The following DPY19L2 variants were observed in gnomAD, a reference collection of about 807,000 sequenced individuals.
DPY19L2 encodes probable C-mannosyltransferase DPY19L2.
In DPY19L2, 34 loss-of-function variants were observed where a neutral mutation model predicts 97.9. That is an observed-to-expected ratio of 0.35 (90% CI 0.26 to 0.46). The LOEUF is 0.46. Among genes scored for constraint, DPY19L2 ranks in the 20% least tolerant of loss-of-function variants. The pLI is 1.00. For missense variants in DPY19L2, 623 were observed against 911.4 expected (o/e 0.68, Z 4.07); for synonymous variants, 230 against 307.9 (o/e 0.75, Z 2.65).
intron 11 of DPY19L2, among the ~76,000 whole-genome samples, chr12:63,617,026 G>T (rs1025804956): frequency 6.6e-6 from 1 of 152,126 alleles, no homozygotes; most frequent in African/African-American, 2.4e-5. Flanking sequence ...TAGGAGAAAA[G>T]AAGTCATTTT....
intron 12 of DPY19L2, among the ~76,000 whole-genome samples, chr12:63,608,194 A>G (rs1055421172): frequency 1.3e-5 from 2 of 152,268 alleles, no homozygotes; most frequent in Admixed American, 1.3e-4. Context: ...CTAAAGTTGG[A>G]AGCAGAAGGA....
chr12:63,606,031 A>G (rs1052176541), intron 12 of DPY19L2, among the ~76,000 whole-genome samples: 6 of 152,144 alleles, frequency 3.9e-5, no homozygotes, highest in African/African-American at 1.4e-4. Flanking sequence ...TTCAGATCCT[A>G]TGCATTTTTC....
chr12:63,594,214 C>T (rs1883695727), intron 15 of DPY19L2, 81 bp from the exon 16 acceptor site: 3 of 1,069,988 alleles, frequency 2.8e-6, no homozygotes, highest in African/African-American at 1.6e-5. Flanking sequence ...AATATAAACA[C>T]TCTGCCAAGG....
At chr12:63,667,937 G>C in intron 1 of DPY19L2, 120 bp downstream of exon 1, 1 of 1,205,576 alleles carries the variant, frequency 8.3e-7, no homozygotes, top group Non-Finnish European at 1.2e-6. Flanking sequence ...TTTCTACTCG[G>C]ACCTTGCTAT....
intron 11 of DPY19L2, among the ~76,000 whole-genome samples, chr12:63,609,249 G>A (rs1886564301): frequency 6.6e-6 from 1 of 152,072 alleles, no homozygotes; most frequent in Non-Finnish European, 1.5e-5. Context: ...GGGGAGGGCA[G>A]CAGAAGAGGC....
chr12:63,573,762 GC>G (rs1379890974), intron 19 of DPY19L2, among the ~76,000 whole-genome samples: 1 of 152,090 alleles, frequency 6.6e-6, no homozygotes, highest in African/African-American at 2.4e-5. Context: ...AACCTTACAG[GC>G]CAGGAGAGCA....
intron 21 of DPY19L2, among the ~76,000 whole-genome samples, chr12:63,566,837 T>C (rs1592370596): frequency 6.6e-6 from 1 of 151,224 alleles, no homozygotes; most frequent in East Asian, 2.1e-4. Context: ...AGGTTAGTTA[T>C]ATGTTTAGGG....
chr12:63,605,836 C>G (rs549942945), intron 12 of DPY19L2, among the ~76,000 whole-genome samples: 5 of 152,218 alleles, frequency 3.3e-5, no homozygotes, highest in Non-Finnish European at 7.3e-5. Context: ...ATCCCAGCAT[C>G]ATTTAGTGAC....
In DPY19L2 at chr12:63,644,465, A is replaced by G. The variant is rs58020403; in HGVS notation, c.741T>C (p.Gly247=). 1 of 1,611,700 alleles carries G rather than the reference A, an allele frequency of 6.2e-7. No homozygotes were observed. The highest frequency in any genetic ancestry group is 2.2e-5 in the East Asian group (1 of 44,794). ...GLGDPACFYV[G]VIFILNGLMM... ...TTAGTCCATTTAAAATAAAGATTACACCAACATAAAAGCAAGCAGGATCTC... is the reference window on the plus strand; with the variant it reads ...TTAGTCCATTTAAAATAAAGATTACGCCAACATAAAAGCAAGCAGGATCTC... The change falls in exon 6 of 22, where the codon GGT becomes GGC. Residue 247 remains glycine, a synonymous_variant. Transcript: ENST00000324472.
chr12:63,631,369 T>C (rs1296741926), intron 6 of DPY19L2, among the ~76,000 whole-genome samples: 1 of 152,000 alleles, frequency 6.6e-6, no homozygotes, highest in Non-Finnish European at 1.5e-5. Context: ...CAATAAAAAA[T>C]GATAAAGGGG....
intron 4 of DPY19L2, among the ~76,000 whole-genome samples, chr12:63,654,937 CTAAT>C (rs1894767904): frequency 6.6e-6 from 1 of 152,078 alleles, no homozygotes; most frequent in African/African-American, 2.4e-5. Context: ...GTATTTTCAA[CTAAT>C]TCTTTTAGTT....
chr12:63,597,306 T>C (rs907294426), intron 14 of DPY19L2, among the ~76,000 whole-genome samples: 9 of 152,122 alleles, frequency 5.9e-5, no homozygotes, highest in African/African-American at 2.2e-4. Context: ...ATGAAGTTTT[T>C]AAAAAGAATA....
In DPY19L2 at chr12:63,580,817, C is replaced by A. The variant is rs537965508; in HGVS notation, c.1745G>T (p.Arg582Leu). The A allele has an allele frequency of 1.2e-6, 2 of 1,611,444 alleles. No homozygotes were observed. The highest frequency in any genetic ancestry group is 1.7e-6 in the Non-Finnish European group (2 of 1,179,072). Residue 582 changes from arginine (R) to leucine (L), a missense_variant, in exon 19 of 22, where the codon CGC becomes CTC. By Grantham distance (102) the Arg-to-Leu change is moderately radical. Transcript: ENST00000324472. ...GATAACCTTCTCAAAACGAACTCTG[C>A]GAAAAAGCCAGCCAAAGAGCTGAAA... ...CSRQLFGWLF[R>L]RVRFEKVIFG...
chr12:63,623,137 T>C lies in DPY19L2; in HGVS notation c.953+903A>G, dbSNP rs575517587. Among the ~76,000 whole-genome samples, 636 of 151,882 alleles carry C rather than the reference T, an allele frequency of 4.2e-3. 11 individuals carry two copies. The highest frequency in any genetic ancestry group is 0.015 in the African/African-American group (602 of 41,396). On this transcript the variant is annotated intron_variant, in intron 8 of 21. Transcript: ENST00000324472. ...TAGTATTCTATCAAACTTATTTCTC[T>C]GATAAGGTTATTTATACTATTCTAC...
At chr12:63,641,574 T>C (rs1299706148) in intron 6 of DPY19L2, among the ~76,000 whole-genome samples, 1 of 152,162 alleles carries the variant, frequency 6.6e-6, no homozygotes, top group Non-Finnish European at 1.5e-5. Context: ...TTTTTAATTT[T>C]GTACCTGGAT....
In DPY19L2 at chr12:63,668,366, G is replaced by A. The variant is rs79896845; in HGVS notation, c.28C>T (p.Arg10Trp). The A allele has an allele frequency of 3.9e-4, 635 of 1,613,182 alleles. 3 individuals carry two copies. In the African/African-American group the frequency reaches 7.4e-3, roughly 19 times the overall value. ...TGGCTGCGGCCGGAAGATTGCAGCCGCTTTGAGCTTACTCCTTGTTTTCTC... is the reference window on the plus strand; with the variant it reads ...TGGCTGCGGCCGGAAGATTGCAGCCACTTTGAGCTTACTCCTTGTTTTCTC... MRKQGVSSK[R>W]LQSSGRSQSK... The change falls in exon 1 of 22, where the codon CGG becomes TGG. Residue 10 changes from arginine to tryptophan, a missense_variant. Physicochemically the swap from Arg to Trp is moderately radical, Grantham distance 101. Around this residue, in one of 6 missense-constraint regions of DPY19L2, gnomAD observed 144 missense variants for 119.4 expected, o/e 1.21. Coordinates refer to ENST00000324472, the MANE Select transcript of DPY19L2 (RefSeq NM_173812.5).
chr12:63,651,916 C>A, intron 4 of DPY19L2: 2 of 396,570 alleles, frequency 5.0e-6, no homozygotes, highest in Non-Finnish European at 4.3e-6. Flanking sequence ...TTCCTCAAGG[C>A]TGTCCCTTCC....
Position 63,654,395 on chromosome 12 carries a change from CAAG to C in DPY19L2, c.588+6946_588+6948del, listed in dbSNP as rs972900119. On this transcript the variant is annotated intron_variant, in intron 4 of 21. Transcript: ENST00000324472. Reference sequence around the variant, plus strand: ...AATGTTCAAATAAAATGTTCTGCCACAAGAAGGTTAAAATAAAAGCAAACAGAA... The same window carrying C: ...AATGTTCAAATAAAATGTTCTGCCACAAGGTTAAAATAAAAGCAAACAGAA... 7.2e-5 allele frequency among the ~76,000 whole-genome samples: 11 copies of C among 151,892 alleles called. 1 individual carries two copies. Among genetic ancestry groups the C allele is most frequent in the Non-Finnish European group, 1.3e-4 (9 of 67,964 alleles).
intron 11 of DPY19L2, among the ~76,000 whole-genome samples, chr12:63,614,081 A>G (rs1488810132): frequency 4.0e-5 from 6 of 151,224 alleles, no homozygotes; most frequent in African/African-American, 1.2e-4. Flanking sequence ...TCCCAGCTAC[A>G]TGGGAGGCTG....
Sources: allele counts gnomAD v4.1 joint callset (sites outside exome capture counted in the v4.1 genomes callset), GRCh38; gene constraint gnomAD v4.1.1; regional missense constraint gnomAD v4.1.1; transcripts MANE v1.5; gene names NCBI Gene and HGNC (gene_info 2026-07-23, HGNC 2026-07-21).